The following PDE10A variants were observed in gnomAD, a reference collection of about 807,000 sequenced individuals.
PDE10A encodes the protein phosphodiesterase 10A.
Under a neutral mutation model 97.7 loss-of-function variants are expected in PDE10A, and 39 were observed. The observed-to-expected ratio is 0.40, with a 90% confidence interval of 0.31 to 0.52. PDE10A has a LOEUF of 0.52. Ranked by LOEUF, PDE10A falls within the 20% of genes least tolerant of loss-of-function variation. The pLI is 0.56. For synonymous variants in PDE10A, 371 were observed against 376.8 expected (o/e 0.98, Z 0.18); for missense variants, 731 against 1,047.8 (o/e 0.70, Z 4.17).
rs1261905210 is a variant in PDE10A, at chr6:165,655,584, C to T, written c.865+6363G>A. Among the ~76,000 whole-genome samples the T allele has an allele frequency of 6.6e-6, 1 of 152,106 alleles. No individual in the cohort carries two copies. Among genetic ancestry groups the T allele is most frequent in the Non-Finnish European group, 1.5e-5 (1 of 68,022 alleles). On this transcript the variant is annotated intron_variant, in intron 1 of 21. Transcript: ENST00000539869. The surrounding 1 kb of genome is among the most constrained non-coding windows in gnomAD (Gnocchi z 4.5). ...GGCATTTTGCTTCTACCATCATCGC[C>T]GTGATCCAAGTTACCATTGCTCTTG...
intron 2 of PDE10A, among the ~76,000 whole-genome samples, chr6:165,521,278 T>A (rs1782115230): frequency 6.6e-6 from 1 of 152,040 alleles, no homozygotes; most frequent in Non-Finnish European, 1.5e-5. Flanking sequence ...GCCTCCTTAT[T>A]CCCTGAGACA....
rs772239190 is a variant in PDE10A at position 165,416,296 on chromosome 6, G to A, written c.1797-15C>T. 32 of 1,497,212 alleles carry A rather than the reference G, an allele frequency of 2.1e-5. No homozygotes were observed. Among genetic ancestry groups the A allele is most frequent in the Non-Finnish European group, 2.9e-5 (31 of 1,073,224 alleles). The allele number at this position is 1,497,212 out of a possible 1,614,324, so 92.7% of individuals were successfully genotyped here. ...CAATTGAAAATCTGCATATGTAAAAGAGAAGGACATGCTAATTAAAATATG... is the reference window on the plus strand; with the variant it reads ...CAATTGAAAATCTGCATATGTAAAAAAGAAGGACATGCTAATTAAAATATG... On this transcript the variant is annotated splice_polypyrimidine_tract_variant and intron_variant, in intron 11 of 21. Coordinates refer to ENST00000539869, the MANE Select transcript of PDE10A (RefSeq NM_001385079.1).
intron 1 of PDE10A, among the ~76,000 whole-genome samples, chr6:165,914,519 C>A (rs982261165): frequency 6.6e-6 from 1 of 152,158 alleles, no homozygotes; most frequent in Non-Finnish European, 1.5e-5. Context: ...AACAGAGACA[C>A]AACCACTTGG....
chr6:165,975,630 A>C (rs994555700), intron 1 of PDE10A, among the ~76,000 whole-genome samples: 1 of 152,248 alleles, frequency 6.6e-6, no homozygotes, highest in African/African-American at 2.4e-5. Flanking sequence ...AAAAGTAAGC[A>C]AAATAAGAAA....
At chr6:165,347,392 T>TAA (rs1225815879) in intron 18 of PDE10A, among the ~76,000 whole-genome samples, 1 of 152,158 alleles carries the variant, frequency 6.6e-6, no homozygotes, top group Non-Finnish European at 1.5e-5. Flanking sequence ...AAAATATACT[T>TAA]TAAATTTAAG....
At chr6:165,959,919 G>T (rs77392614) in intron 1 of PDE10A, among the ~76,000 whole-genome samples, 2,616 of 152,244 alleles carry the variant, frequency 0.017, 76 homozygotes, top group African/African-American at 0.059. Flanking sequence ...CACACCCAGA[G>T]GCGACTTCCT....
At chr6:165,970,115 C>T (rs1175762607) in intron 1 of PDE10A, among the ~76,000 whole-genome samples, 1 of 152,106 alleles carries the variant, frequency 6.6e-6, no homozygotes, top group African/African-American at 2.4e-5. Context: ...GAGTATATAC[C>T]AAAACAGACT....
At chr6:165,456,441 T>C (rs995729995) in intron 3 of PDE10A, among the ~76,000 whole-genome samples, 10 of 152,220 alleles carry the variant, frequency 6.6e-5, no homozygotes, top group African/African-American at 2.4e-4. Flanking sequence ...CACGGCTGAC[T>C]CCTTCCTCTT....
intron 1 of PDE10A, among the ~76,000 whole-genome samples, chr6:165,929,512 C>T (rs559134607): frequency 2.0e-5 from 3 of 152,164 alleles, no homozygotes; most frequent in Non-Finnish European, 2.9e-5. Context: ...AGGCTGCCCA[C>T]GGGACCCGGA....
In PDE10A at chr6:165,403,228, C is replaced by T. The variant is rs563024912; in HGVS notation, c.2077-6769G>A. On this transcript the variant is annotated intron_variant, in intron 13 of 21. Coordinates refer to ENST00000539869, the MANE Select transcript of PDE10A (RefSeq NM_001385079.1). Reference sequence around the variant, plus strand: ...TAGATGGGTATCAGCACTGTGTTGCCACATCATTTGGCTCTTTTGTTTGAT... The same window carrying T: ...TAGATGGGTATCAGCACTGTGTTGCTACATCATTTGGCTCTTTTGTTTGAT... Among the ~76,000 whole-genome samples the T allele has an allele frequency of 1.7e-4, 26 of 152,234 alleles. 1 individual carries two copies. In the South Asian group the frequency reaches 5.4e-3, roughly 32 times the overall value.
At chr6:165,395,287 T>G (rs765463428) in intron 14 of PDE10A, 23 bp from the exon 15 acceptor site, 1 of 1,486,262 alleles carries the variant, frequency 6.7e-7, no homozygotes, top group African/African-American at 1.4e-5. Context: ...AAGGGCAGTT[T>G]ATCACTAAAC....
At chr6:165,985,231 C>T (rs1338368621) in intron 1 of PDE10A, among the ~76,000 whole-genome samples, 1 of 152,208 alleles carries the variant, frequency 6.6e-6, no homozygotes, top group Non-Finnish European at 1.5e-5. Flanking sequence ...CCATCTGGTT[C>T]ATTTTTCCTT....
intron 1 of PDE10A, among the ~76,000 whole-genome samples, chr6:165,885,724 G>A (rs541832582): frequency 6.8e-4 from 104 of 152,320 alleles, no homozygotes; most frequent in African/African-American, 2.5e-3. Context: ...CTTCACTCTT[G>A]TTTGCCTTTA....
rs554689847 is a variant in PDE10A, at chr6:165,822,689, G to A, written c.-615+164840C>T. Among the ~76,000 whole-genome samples the A allele has an allele frequency of 9.9e-5, 15 of 152,212 alleles. 1 individual carries two copies. The South Asian group carries it at 2.9e-3, about 29-fold the overall frequency. ...GCAAGTTGCTCTGGGTGAGTGATAA[G>A]TGAGTGGTGAGTGAGGGTGAAGGCC... On this transcript the variant is annotated intron_variant, in intron 1 of 19. Transcript: ENST00000366882.
At chr6:165,796,365 C>T (rs1427159045) in intron 1 of PDE10A, among the ~76,000 whole-genome samples, 3 of 152,084 alleles carry the variant, frequency 2.0e-5, no homozygotes, top group East Asian at 3.9e-4. Context: ...GGGTTATAGG[C>T]GTGAGCCACC....
intron 1 of PDE10A, among the ~76,000 whole-genome samples, chr6:165,590,500 C>G (rs886496070): frequency 3.3e-5 from 5 of 152,186 alleles, no homozygotes; most frequent in Non-Finnish European, 5.9e-5. Flanking sequence ...CAACAAACAC[C>G]TTTTGAGTGC....
At position 165,711,536 on chromosome 6, in the gene PDE10A, T is replaced by TCCC. The variant is rs1791895620; in HGVS notation, c.-614-167969_-614-167968insGGG. On this transcript the variant is annotated intron_variant, in intron 1 of 19. Transcript: ENST00000366882. This position sits in a 1 kb window ranked among gnomAD's most constrained non-coding sequence, Gnocchi z 4.5. ...CATTTGGAGGTTTTCTTGAGGGGAT[T>TCCC]TTAGTTCAGTTAGTTCAGCCTGCGC... Among the ~76,000 whole-genome samples the TCCC allele has an allele frequency of 6.6e-6, 1 of 152,118 alleles. No individual in the cohort carries two copies.
chr6:165,543,342 C>G (rs2128323481), intron 2 of PDE10A, 98 bp downstream of exon 2: 1 of 893,832 alleles, frequency 1.1e-6, no homozygotes, highest in East Asian at 2.8e-5. Context: ...TAATATTTGT[C>G]TACTTTATAT....
chr6:165,606,156 A>G (rs1198970599), intron 1 of PDE10A, among the ~76,000 whole-genome samples: 1 of 148,504 alleles, frequency 6.7e-6, no homozygotes, highest in Non-Finnish European at 1.5e-5. Flanking sequence ...AACAAGCGAA[A>G]AAAAAAAAAA....
Sources: gnomAD v4.1 joint callset for allele counts (sites outside exome capture counted in the v4.1 genomes callset) on GRCh38, gnomAD v4.1.1 for gene constraint, Gnocchi (gnomAD v3.1) non-coding constraint, MANE v1.5 for transcripts, NCBI Gene and HGNC (gene_info 2026-07-23, HGNC 2026-07-21) for gene names.